The following RBFOX1 variants were observed in gnomAD, a reference collection of about 807,000 sequenced individuals.
RBFOX1 encodes the protein RNA binding protein fox-1 homolog 1.
A neutral mutation model predicts 57.7 loss-of-function variants in RBFOX1; 8 were observed. The observed-to-expected ratio is 0.14, with a 90% CI of 0.08 to 0.25. RBFOX1 has a LOEUF of 0.25. Ranked by LOEUF, RBFOX1 falls within the 10% of genes least tolerant of loss-of-function variation. The pLI is 1.00. For synonymous variants in RBFOX1, 326 were observed against 222.4 expected, an observed-to-expected ratio of 1.47 and a Z score of -4.15; for missense variants, 611 against 548.5, an observed-to-expected ratio of 1.11 and a Z score of -1.14.
chr16:7,328,311 C>A (rs758039848), intron 4 of RBFOX1, among the ~76,000 whole-genome samples: 1 of 151,854 alleles, frequency 6.6e-6, no homozygotes, highest in Non-Finnish European at 1.5e-5. Flanking sequence ...GAAACCCTGT[C>A]TCTACTAAAA....
intron 4 of RBFOX1, among the ~76,000 whole-genome samples, chr16:7,418,621 CA>C (rs1421498585): frequency 6.6e-6 from 1 of 152,196 alleles, no homozygotes; most frequent in African/African-American, 2.4e-5. Flanking sequence ...TTCGTTGCCA[CA>C]GAGTATTATT....
intron 3 of RBFOX1, among the ~76,000 whole-genome samples, chr16:6,941,649 G>A (rs763625128): frequency 2.0e-5 from 3 of 151,892 alleles, no homozygotes; most frequent in Non-Finnish European, 4.4e-5. Flanking sequence ...ATAAGAATGG[G>A]TTTATCTATA....
chr16:6,218,151 T>G (rs1259720433), intron 1 of RBFOX1, among the ~76,000 whole-genome samples: 3 of 152,194 alleles, frequency 2.0e-5, no homozygotes, highest in Admixed American at 1.3e-4. Flanking sequence ...ACCAGATCAT[T>G]TGTTGAGCCC....
At chr16:6,316,859 A>G (rs761056751) in intron 1 of RBFOX1, 136 bp from the exon 2 acceptor site, 26 of 606,526 alleles carry the variant, frequency 4.3e-5, no homozygotes, top group Non-Finnish European at 7.1e-5. Flanking sequence ...CATCATCACC[A>G]TCATTGCTGT....
rs191542213 is a variant in RBFOX1, at chr16:7,286,997, C to T, written c.28-231150C>T. 1.7e-4 allele frequency among the ~76,000 whole-genome samples: 26 copies of T among 152,244 alleles called. No homozygotes were observed. The East Asian group carries it at 3.9e-3, about 23-fold the overall frequency. On this transcript the variant is annotated intron_variant, in intron 4 of 15. Transcript: ENST00000550418. ...GGTGAAGCTACATAACCACTTGCCT[C>T]ATTGAACATGAACGCAGGCAATGCG...
chr16:5,292,972 C>T (rs543463257), intron 1 of RBFOX1, among the ~76,000 whole-genome samples: 2 of 152,026 alleles, frequency 1.3e-5, no homozygotes, highest in Non-Finnish European at 2.9e-5. Flanking sequence ...CCGGGGTGTC[C>T]CACTGTGACT....
At chr16:6,844,300 C>T (rs188380621) in intron 3 of RBFOX1, among the ~76,000 whole-genome samples, 2 of 152,082 alleles carry the variant, frequency 1.3e-5, no homozygotes, top group East Asian at 1.9e-4. Context: ...CATCCCATCA[C>T]CTAGGTATTA....
intron 3 of RBFOX1, among the ~76,000 whole-genome samples, chr16:5,696,296 C>G (rs554853859): frequency 1.2e-4 from 18 of 152,274 alleles, no homozygotes; most frequent in Non-Finnish European, 5.9e-5. Context: ...AATCCATAGG[C>G]AAAACAAGGT....
intron 3 of RBFOX1, among the ~76,000 whole-genome samples, chr16:6,667,495 GGA>G (rs1211729386): frequency 1.3e-5 from 2 of 152,080 alleles, no homozygotes; most frequent in South Asian, 2.1e-4. Flanking sequence ...AGGGAGAGGA[GGA>G]GAGAATATTT....
intron 1 of RBFOX1, among the ~76,000 whole-genome samples, chr16:5,444,093 A>AAACAC (rs150049598): frequency 1.3e-5 from 2 of 151,784 alleles, no homozygotes; most frequent in Admixed American, 1.3e-4. Flanking sequence ...TTATTGGCAA[A>AAACAC]GGTGACACTG....
intron 5 of RBFOX1, among the ~76,000 whole-genome samples, chr16:7,541,599 C>T (rs553226172): frequency 3.9e-5 from 6 of 152,204 alleles, no homozygotes; most frequent in Non-Finnish European, 7.4e-5. Flanking sequence ...CCACTGTATT[C>T]ATGTAGGTTT....
At chr16:6,736,618 A>G (rs949969062) in intron 3 of RBFOX1, among the ~76,000 whole-genome samples, 8 of 152,220 alleles carry the variant, frequency 5.3e-5, no homozygotes, top group Non-Finnish European at 8.8e-5. Flanking sequence ...CACTATAAAC[A>G]TGCATGTGCA....
intron 4 of RBFOX1, among the ~76,000 whole-genome samples, chr16:7,385,993 G>T (rs1352747006): frequency 6.6e-6 from 1 of 150,580 alleles, no homozygotes; most frequent in African/African-American, 2.4e-5. Flanking sequence ...GTTTCACCAT[G>T]TTGGCCAGGC....
At chr16:6,487,696 AAAAAATATATATATATATATATATAT>A (rs2095529563) in intron 2 of RBFOX1, among the ~76,000 whole-genome samples, 2 of 6,346 alleles carry the variant, frequency 3.2e-4, no homozygotes, top group African/African-American at 7.8e-4. Flanking sequence ...AAAAAAAAAA[AAAAAATATATATATATATATATATAT>A]ATATATATAT....
At chr16:6,455,665 A>G (rs1240744398) in intron 2 of RBFOX1, among the ~76,000 whole-genome samples, 2 of 152,172 alleles carry the variant, frequency 1.3e-5, no homozygotes, top group South Asian at 2.1e-4. Context: ...CACCATGAAT[A>G]TATGACGACT....
At chr16:7,384,484 G>T (rs1168684197) in intron 4 of RBFOX1, among the ~76,000 whole-genome samples, 1 of 152,164 alleles carries the variant, frequency 6.6e-6, no homozygotes, top group Non-Finnish European at 1.5e-5. Flanking sequence ...GGGTTTTCAT[G>T]CCAAACATAG....
intron 4 of RBFOX1, among the ~76,000 whole-genome samples, chr16:7,458,866 A>G (rs1312548979): frequency 2.6e-5 from 4 of 152,086 alleles, no homozygotes. Context: ...TATGTATTTT[A>G]TGTTTCATTT....
At chr16:6,226,385 A>AAAAC (rs2097418464) in intron 1 of RBFOX1, among the ~76,000 whole-genome samples, 1 of 150,558 alleles carries the variant, frequency 6.6e-6, no homozygotes, top group African/African-American at 2.4e-5. Context: ...AAAAAAAAAA[A>AAAAC]AAAAAACAAA....
intron 3 of RBFOX1, among the ~76,000 whole-genome samples, chr16:7,033,180 T>G (rs1422739429): frequency 6.6e-6 from 1 of 152,068 alleles, no homozygotes; most frequent in South Asian, 2.1e-4. Context: ...AGGTGTTGAT[T>G]TTAGGGATTA....
Sources: gnomAD v4.1 joint callset for allele counts (sites outside exome capture counted in the v4.1 genomes callset) on GRCh38, gnomAD v4.1.1 for gene constraint, MANE v1.5 for transcripts, NCBI Gene and HGNC (gene_info 2026-07-23, HGNC 2026-07-21) for gene names.